Variants in UBXN4 observed in about 807,000 individuals in gnomAD.
UBXN4 encodes the protein UBX domain protein 4.
Under a neutral mutation model 66.2 loss-of-function variants are expected in UBXN4, and 35 were observed. The observed-to-expected ratio is 0.53, with a 90% confidence interval of 0.40 to 0.70. The LOEUF (loss-of-function observed/expected upper bound fraction) is 0.70. Among genes scored for constraint, UBXN4 ranks in the 30% least tolerant of loss-of-function variants. UBXN4 has a pLI of 0.00. For missense variants in UBXN4, 533 were observed against 599.8 expected (o/e 0.89, Z 1.16); for synonymous variants, 203 against 204.5 (o/e 0.99, Z 0.06).
chr2:135,782,728 G>T, intron 12 of UBXN4, 21 bp from the exon 13 acceptor site: 2 of 1,608,866 alleles, frequency 1.2e-6, no homozygotes, highest in African/African-American at 2.7e-5. Flanking sequence ...TCTTCCCCTT[G>T]CTCCCTCTTT....
In UBXN4 at chr2:135,782,773, G is replaced by A. The variant is rs756151716; in HGVS notation, c.1413G>A (p.Leu471=). 6.2e-7 allele frequency: 1 copy of A among 1,613,472 alleles called. No individual in the cohort carries two copies. The highest frequency in any genetic ancestry group is 2.2e-5 in the East Asian group (1 of 44,858). Residue 471 remains leucine, a synonymous_variant, in exon 13 of 13, where the codon CTG becomes CTA. Transcript: ENST00000272638. Reference sequence around the variant, plus strand: ...GGGAACCAGTGAGAAAAAGAGTGCTGGAAAAACGTGGAGACGACTTTAAAA... The same window carrying A: ...GGGAACCAGTGAGAAAAAGAGTGCTAGAAAAACGTGGAGACGACTTTAAAA... The part of the protein sequence containing the change: ...EKREPVRKRV[L]EKRGDDFKKE...
intron 10 of UBXN4, among the ~76,000 whole-genome samples, chr2:135,776,793 C>G (rs2077417668): frequency 6.6e-6 from 1 of 151,998 alleles, no homozygotes; most frequent in Non-Finnish European, 1.5e-5. Context: ...CAGGGTTTCA[C>G]CATGTAGCCG....
Position 135,772,435 on chromosome 2 carries a change from G to T in UBXN4, c.838G>T (p.Ala280Ser), listed in dbSNP as rs1191255731. 3 of 1,613,978 alleles carry T rather than the reference G, an allele frequency of 1.9e-6. No homozygotes were observed. In the Admixed American group the frequency reaches 5.0e-5, roughly 27 times the overall value. The part of the protein sequence containing the change: ...QQIALDRAER[A>S]ARFAKTKEEV... ...TGTTTTAAAGGACCGTGCAGAGAGA[G>T]CTGCTCGTTTTGCAAAGACAAAGGA... The change falls in exon 9 of 13, where the codon GCT becomes TCT. Residue 280 changes from alanine (A) to serine (S), a missense_variant. By Grantham distance (99) the Ala-to-Ser change is moderately conservative (BLOSUM62 1). Transcript: ENST00000272638.
At chr2:135,782,377 A>G (rs1375725168) in intron 12 of UBXN4, among the ~76,000 whole-genome samples, 2 of 152,256 alleles carry the variant, frequency 1.3e-5, no homozygotes, top group African/African-American at 4.8e-5. Flanking sequence ...AGCTTTGGAT[A>G]GTCTCTAGGG....
intron 1 of UBXN4, among the ~76,000 whole-genome samples, chr2:135,745,675 A>AT: frequency 6.6e-6 from 1 of 152,062 alleles, no homozygotes; most frequent in South Asian, 2.1e-4. Context: ...ATTCTCATAT[A>AT]CTTATTTTTC....
Position 135,782,768 on chromosome 2 carries a change from G to A in UBXN4, c.1408G>A (p.Val470Met). The A allele has an allele frequency of 6.2e-7, 1 of 1,613,820 alleles. No individual in the cohort carries two copies. The highest frequency in any genetic ancestry group is 8.5e-7 in the Non-Finnish European group (1 of 1,179,900). ...TATCAGGGAACCAGTGAGAAAAAGAGTGCTGGAAAAACGTGGAGACGACTT... is the reference window on the plus strand; with the variant it reads ...TATCAGGGAACCAGTGAGAAAAAGAATGCTGGAAAAACGTGGAGACGACTT... The part of the protein sequence containing the change: ...SEKREPVRKR[V>M]LEKRGDDFKK... The change falls in exon 13 of 13, where the codon GTG (valine) becomes ATG (methionine). Residue 470 changes from valine to methionine, a missense_variant. This residue lies in a region of UBXN4 where 529 missense variants were observed against 580.1 expected (regional missense o/e 0.91). Transcript: ENST00000272638.
chr2:135,769,236 C>T (rs904854806), intron 6 of UBXN4, among the ~76,000 whole-genome samples: 1 of 152,108 alleles, frequency 6.6e-6, no homozygotes, highest in Non-Finnish European at 1.5e-5. Context: ...TCAAGAGATC[C>T]ACCAACCTCA....
At position 135,741,992 on chromosome 2, in the gene UBXN4, CTTCGTGGTG is replaced by C; in HGVS notation, c.71_79del (p.Val24_Val26del). 6.2e-7 allele frequency: 1 copy of C among 1,613,446 alleles called. No individual in the cohort carries two copies. Among genetic ancestry groups the C allele is most frequent in the Non-Finnish European group, 8.5e-7 (1 of 1,179,726 alleles). ...CGACGGCCAAAAGGAGCGGCGCGGT[CTTCGTGGTG>C]TTCGTGGCAGGTGAAGGAGGCAGGG... On this transcript the variant is annotated inframe_deletion, in exon 1 of 13. Transcript: ENST00000272638.
intron 6 of UBXN4, among the ~76,000 whole-genome samples, chr2:135,762,674 T>C (rs1028951050): frequency 1.3e-5 from 2 of 152,194 alleles, no homozygotes; most frequent in African/African-American, 4.8e-5. Context: ...AAAACCTAGA[T>C]TCTGATTGTT....
intron 5 of UBXN4, among the ~76,000 whole-genome samples, chr2:135,756,584 T>C (rs1362661936): frequency 6.6e-6 from 1 of 152,202 alleles, no homozygotes; most frequent in East Asian, 1.9e-4. Flanking sequence ...CTTCTGGATG[T>C]GTACGGAACG....
In UBXN4 at chr2:135,772,425, T is replaced by C. The variant is rs775150310; in HGVS notation, c.828T>C (p.Arg276=). The C allele has an allele frequency of 2.5e-5, 41 of 1,614,002 alleles. No homozygotes were observed. In the East Asian group the frequency reaches 9.1e-4, roughly 36 times the overall value. ...TATTTAATGATGTTTTAAAGGACCG[T>C]GCAGAGAGAGCTGCTCGTTTTGCAA... ...ERIKQQIALD[R]AERAARFAKT... The change falls in exon 9 of 13, where the codon CGT becomes CGC. Residue 276 remains arginine, a synonymous_variant. Coordinates refer to ENST00000272638, the MANE Select transcript of UBXN4 (RefSeq NM_014607.4).
intron 9 of UBXN4, among the ~76,000 whole-genome samples, chr2:135,773,037 CAAAAAAAAAAAA>C (rs78669415): frequency 1.2e-5 from 1 of 80,030 alleles, no homozygotes; most frequent in Non-Finnish European, 2.5e-5. Context: ...ACTCCGTCCC[CAAAAAAAAAAAA>C]AAAAAAAAAG....
At chr2:135,760,532 A>G (rs868131146) in intron 5 of UBXN4, among the ~76,000 whole-genome samples, 12 of 152,318 alleles carry the variant, frequency 7.9e-5, no homozygotes, top group African/African-American at 2.9e-4. Flanking sequence ...CTTCCTCTAT[A>G]TGACATCTTT....
chr2:135,772,570 A>G (rs1559542894), intron 9 of UBXN4, 23 bp downstream of exon 9: 1 of 1,611,966 alleles, frequency 6.2e-7, no homozygotes, highest in South Asian at 1.1e-5. Context: ...ATGCTGAAAC[A>G]TCTCTGTGCA....
Position 135,770,014 on chromosome 2 carries a change from C to T in UBXN4, c.657+191C>T, listed in dbSNP as rs556487176. ...TTTTTTGTGTTCTTTTCGTAAATTA[C>T]TATGAATAAATTAGACCATGCTTTT... On this transcript the variant is annotated intron_variant, in intron 7 of 12. Coordinates refer to ENST00000272638, the MANE Select transcript of UBXN4 (RefSeq NM_014607.4). 1.2e-3 allele frequency among the ~76,000 whole-genome samples: 188 copies of T among 152,204 alleles called. 1 individual carries two copies. The highest frequency in any genetic ancestry group is 4.3e-3 in the African/African-American group (180 of 41,526).
intron 5 of UBXN4, among the ~76,000 whole-genome samples, chr2:135,757,505 TTGTC>T (rs1317946741): frequency 3.3e-5 from 5 of 152,220 alleles, no homozygotes; most frequent in Non-Finnish European, 4.4e-5. Flanking sequence ...TTTAAAGTCT[TTGTC>T]TGACAGTTTC....
At chr2:135,752,729 T>G (rs1444285499) in intron 2 of UBXN4, among the ~76,000 whole-genome samples, 2 of 152,150 alleles carry the variant, frequency 1.3e-5, no homozygotes, top group East Asian at 3.9e-4. Flanking sequence ...CAAATAGTTC[T>G]TTCTCTTTTG....
At chr2:135,753,723 G>A in intron 3 of UBXN4, 156 bp downstream of exon 3, 1 of 606,046 alleles carries the variant, frequency 1.7e-6, no homozygotes, top group Non-Finnish European at 2.5e-6. Context: ...TAAAAAAAAT[G>A]TTATTATAGG....
chr2:135,767,465 C>T (rs1490095006), intron 6 of UBXN4, among the ~76,000 whole-genome samples: 1 of 152,172 alleles, frequency 6.6e-6, no homozygotes, highest in African/African-American at 2.4e-5. Context: ...TATCCTGAAT[C>T]GAACACTGTA....
Sources: gnomAD v4.1 joint callset for allele counts (sites outside exome capture counted in the v4.1 genomes callset) on GRCh38, gnomAD v4.1.1 for gene constraint, gnomAD v4.1.1 regional missense constraint, MANE v1.5 for transcripts, NCBI Gene and HGNC (gene_info 2026-07-23, HGNC 2026-07-21) for gene names.